GRM5: variants seen among roughly 807,000 people sequenced by gnomAD.
GRM5 encodes the protein glutamate metabotropic receptor 5.
A neutral mutation model predicts 83.1 loss-of-function variants in GRM5; 19 were observed. That is an observed-to-expected ratio of 0.23 (90% CI 0.16 to 0.34). GRM5 has a LOEUF of 0.34. GRM5 is among the 10% of genes least tolerant of loss of function. The pLI is 1.00. For synonymous variants in GRM5, 675 were observed against 633.6 expected (o/e 1.07, Z -0.98); for missense variants, 1,160 against 1,588.3 (o/e 0.73, Z 4.58).
chr11:88,515,662 G>T (rs1274577932), intron 9 of GRM5, among the ~76,000 whole-genome samples: 2 of 152,238 alleles, frequency 1.3e-5, no homozygotes, highest in Middle Eastern at 6.8e-3. Context: ...TAAGTTCTAG[G>T]TCTTAGCTGA....
At chr11:89,061,630 T>C (rs1941994224) in intron 1 of GRM5, among the ~76,000 whole-genome samples, 1 of 152,186 alleles carries the variant, frequency 6.6e-6, no homozygotes. Flanking sequence ...TTGGTTATAA[T>C]AGATATGAGT....
At chr11:88,854,082 A>ATAT (rs1590914249) in intron 2 of GRM5, among the ~76,000 whole-genome samples, 3 of 150,338 alleles carry the variant, frequency 2.0e-5, no homozygotes, top group Admixed American at 6.7e-5. Context: ...ATATATACAC[A>ATAT]ATGAAATACT....
At position 88,697,698 on chromosome 11, in the gene GRM5, G is replaced by T. The variant is rs1940934606; in HGVS notation, c.912-44295C>A. 2.6e-5 allele frequency among the ~76,000 whole-genome samples: 4 copies of T among 152,176 alleles called. No individual in the cohort carries two copies. In the South Asian group the frequency reaches 8.3e-4, roughly 31 times the overall value. On this transcript the variant is annotated intron_variant, in intron 3 of 9. Coordinates refer to ENST00000305447, the MANE Select transcript of GRM5 (RefSeq NM_001143831.3). ...GGAAAGTGCTTTTGTCTAGACAGAG[G>T]TTTTATAACTTTTATTAATTTCCTA...
intron 2 of GRM5, among the ~76,000 whole-genome samples, chr11:88,879,280 A>G (rs1041071920): frequency 5.3e-5 from 8 of 152,058 alleles, no homozygotes; most frequent in Non-Finnish European, 1.0e-4. Flanking sequence ...GGGAGGAAGT[A>G]TCTGGTAATC....
chr11:88,797,740 T>C (rs80045543), intron 3 of GRM5, among the ~76,000 whole-genome samples: 5,164 of 152,104 alleles, frequency 0.034, 243 homozygotes, highest in Admixed American at 0.15. Context: ...TATAAGATAA[T>C]TAAGATGGGT....
intron 4 of GRM5, among the ~76,000 whole-genome samples, chr11:88,647,511 A>G (rs902726141): frequency 4.0e-5 from 6 of 151,818 alleles, no homozygotes; most frequent in Non-Finnish European, 7.4e-5. Flanking sequence ...TTCACGATGC[A>G]TTAAAGACTT....
chr11:88,718,936 C>T (rs895570039), intron 3 of GRM5, among the ~76,000 whole-genome samples: 1 of 151,888 alleles, frequency 6.6e-6, no homozygotes, highest in South Asian at 2.1e-4. Flanking sequence ...TTGTCTTCTC[C>T]TTGTTATTCT....
chr11:88,971,742 T>A (rs977762047), intron 2 of GRM5, among the ~76,000 whole-genome samples: 7 of 152,070 alleles, frequency 4.6e-5, no homozygotes, highest in African/African-American at 1.7e-4. Flanking sequence ...ATAAATAGAT[T>A]TTTTTTATCT....
At chr11:88,769,729 T>A (rs1196388191) in intron 3 of GRM5, among the ~76,000 whole-genome samples, 1 of 152,040 alleles carries the variant, frequency 6.6e-6, no homozygotes, top group Non-Finnish European at 1.5e-5. Flanking sequence ...AAGATTAACA[T>A]CTGCAAGTCC....
intron 3 of GRM5, among the ~76,000 whole-genome samples, chr11:88,846,602 C>A (rs1438454777): frequency 1.3e-5 from 2 of 152,152 alleles, no homozygotes; most frequent in African/African-American, 4.8e-5. Context: ...ACATGGTTGA[C>A]CTAAGGCAGT....
intron 2 of GRM5, among the ~76,000 whole-genome samples, chr11:88,894,817 G>A (rs1415698282): frequency 6.6e-6 from 1 of 151,896 alleles, no homozygotes; most frequent in African/African-American, 2.4e-5. Flanking sequence ...AGAAATGAAA[G>A]AACACATTTT....
rs759196874 is a variant in GRM5 at position 88,597,257 on chromosome 11, T to A, written c.1490A>T (p.Asp497Val). ...WDNGELKMDD[D>V]EVWSKKSNII... ...GTTGCTTTTCTTGGACCATACTTCA[T>A]CATCATCCATTTTTAATTCTCCATT... Residue 497 changes from aspartate to valine, a missense_variant, in exon 6 of 10, where the codon GAT (aspartate) becomes GTT (valine). Physicochemically the swap from Asp to Val is radical, Grantham distance 152. Transcript: ENST00000305447. 2 of 1,606,788 alleles carry A rather than the reference T, an allele frequency of 1.2e-6. No homozygotes were observed. Among genetic ancestry groups the A allele is most frequent in the Admixed American group, 1.7e-5 (1 of 59,860 alleles).
At chr11:88,944,725 T>C (rs1366224630) in intron 2 of GRM5, among the ~76,000 whole-genome samples, 1 of 151,774 alleles carries the variant, frequency 6.6e-6, no homozygotes, top group East Asian at 1.9e-4. Context: ...ATTTGTCAAT[T>C]ATCCAGCTAT....
chr11:88,510,850 C>T (rs1591311577), intron 9 of GRM5, among the ~76,000 whole-genome samples: 1 of 152,294 alleles, frequency 6.6e-6, no homozygotes, highest in East Asian at 1.9e-4. Context: ...GGTGTAGTTT[C>T]CCATCACAAA....
At chr11:89,025,528 G>C (rs1019888938) in intron 2 of GRM5, among the ~76,000 whole-genome samples, 4 of 152,136 alleles carry the variant, frequency 2.6e-5, no homozygotes, top group African/African-American at 9.7e-5. Context: ...CTTACAAAAT[G>C]CATCAGATGG....
chr11:88,676,765 C>T (rs723859), intron 3 of GRM5, among the ~76,000 whole-genome samples: 1 of 151,784 alleles, frequency 6.6e-6, no homozygotes, highest in Admixed American at 6.6e-5. Context: ...AAATTATAGT[C>T]TTGATAAGTT....
In GRM5 at chr11:88,894,694, C is replaced by T. The variant is rs12806583; in HGVS notation, c.662-44539G>A. On this transcript the variant is annotated intron_variant, in intron 2 of 9. Transcript: ENST00000305447. ...CCTGTTTGTGTTCTCCTCAAAAAAT[C>T]ATATGTTAAAATCCTATCCCCAAAG... Among the ~76,000 whole-genome samples the T allele has an allele frequency of 6.5e-3, 987 of 151,946 alleles. 6 individuals are homozygous for T. The highest frequency in any genetic ancestry group is 0.017 in the Middle Eastern group (5 of 294).
intron 2 of GRM5, among the ~76,000 whole-genome samples, chr11:88,881,593 T>G (rs1214742373): frequency 6.6e-6 from 1 of 152,210 alleles, no homozygotes; most frequent in African/African-American, 2.4e-5. Context: ...TTCAAAAAGA[T>G]GAAACCGAGT....
At chr11:88,845,494 C>T (rs1257694185) in intron 3 of GRM5, among the ~76,000 whole-genome samples, 43 of 131,082 alleles carry the variant, frequency 3.3e-4, no homozygotes, top group African/African-American at 8.9e-4. Context: ...AGGACAGTGG[C>T]GCAATCTGAG....
Sources: allele counts gnomAD v4.1 joint callset (sites outside exome capture counted in the v4.1 genomes callset), GRCh38; gene constraint gnomAD v4.1.1; transcripts MANE v1.5; gene names NCBI Gene and HGNC (gene_info 2026-07-23, HGNC 2026-07-21).